Variants in CTNNA2 observed in about 807,000 individuals in gnomAD.
The protein encoded by CTNNA2 is catenin alpha 2.
CTNNA2 carries 42 observed loss-of-function variants against 101.0 expected under a neutral mutation model. That is an observed-to-expected ratio of 0.42 (90% confidence interval 0.32 to 0.54). The LOEUF (loss-of-function observed/expected upper bound fraction) is 0.54, where lower values mean the gene tolerates loss of function less well. Ranked by LOEUF, CTNNA2 falls within the 20% of genes least tolerant of loss-of-function variation. CTNNA2 has a pLI of 0.14. For synonymous variants in CTNNA2, 450 were observed against 456.4 expected (o/e 0.99, Z 0.18); for missense variants, 871 against 1,223.1 (o/e 0.71, Z 4.29).
rs566287497 is a variant in CTNNA2 at position 80,237,998 on chromosome 2, CCCTG to C, written c.1057-155212_1057-155209del. Among the ~76,000 whole-genome samples the C allele has an allele frequency of 7.4e-5, 11 of 149,634 alleles. No individual in the cohort carries two copies. In the South Asian group the frequency reaches 2.3e-3, roughly 31 times the overall value. On this transcript the variant is annotated intron_variant, in intron 7 of 18. Coordinates refer to ENST00000402739, the MANE Select transcript of CTNNA2 (RefSeq NM_001282597.3). The stretch of plus-strand genomic sequence containing the variant: ...TTTTTCTTGCTCCCCCTAGCCACTC[CCCTG>C]ACGTGTCTCTTAAAGCTACATTTAG...
intron 6 of CTNNA2, among the ~76,000 whole-genome samples, chr2:79,874,740 G>A (rs1357649349): frequency 6.6e-6 from 1 of 152,122 alleles, no homozygotes; most frequent in Non-Finnish European, 1.5e-5. Flanking sequence ...CTCGGGAGGC[G>A]GAGATTGCGG....
chr2:80,060,387 C>T (rs1289033876), intron 7 of CTNNA2, among the ~76,000 whole-genome samples: 1 of 152,142 alleles, frequency 6.6e-6, no homozygotes, highest in African/African-American at 2.4e-5. Context: ...CATCTCTAAG[C>T]CTCCCAGCCC....
intron 2 of CTNNA2, among the ~76,000 whole-genome samples, chr2:79,691,705 C>T (rs1023567631): frequency 2.6e-5 from 4 of 151,910 alleles, no homozygotes; most frequent in African/African-American, 9.7e-5. Context: ...GAACAGAGGC[C>T]TCAGAAATAA....
chr2:80,539,159 A>G (rs938321409), intron 9 of CTNNA2, among the ~76,000 whole-genome samples: 2 of 152,000 alleles, frequency 1.3e-5, no homozygotes, highest in South Asian at 2.1e-4. Flanking sequence ...ATTTTTGTCA[A>G]TTTTTAACTG....
Position 80,163,047 on chromosome 2 carries a change from A to G in CTNNA2, c.1057-230164A>G, listed in dbSNP as rs571344317. 96 of 1,564,896 alleles carry G rather than the reference A, an allele frequency of 6.1e-5. No individual in the cohort carries two copies. The African/African-American group carries it at 1.2e-3, about 20-fold the overall frequency. ...AAGTTTGATTCCATTAAGTAGATTC[A>G]TTGCATAAGGAACAGATACTTCATG... On this transcript the variant is annotated intron_variant, in intron 7 of 18. Coordinates refer to ENST00000402739, the MANE Select transcript of CTNNA2 (RefSeq NM_001282597.3).
chr2:79,520,281 T>C (rs1024929043), intron 1 of CTNNA2, among the ~76,000 whole-genome samples: 41 of 152,214 alleles, frequency 2.7e-4, no homozygotes, highest in Non-Finnish European at 2.9e-5. Context: ...TCACTATAGA[T>C]TCTTTTTTCC....
At chr2:80,522,977 T>C (rs1042078506) in intron 9 of CTNNA2, among the ~76,000 whole-genome samples, 3 of 151,878 alleles carry the variant, frequency 2.0e-5, no homozygotes, top group Non-Finnish European at 2.9e-5. Context: ...GCATTTGGGG[T>C]GATTGTGCAC....
At chr2:80,565,352 C>T (rs1693963692) in intron 12 of CTNNA2, among the ~76,000 whole-genome samples, 1 of 152,034 alleles carries the variant, frequency 6.6e-6, no homozygotes, top group Non-Finnish European at 1.5e-5. Context: ...GATTATTTCA[C>T]AGGAAATTCC....
intron 7 of CTNNA2, among the ~76,000 whole-genome samples, chr2:80,217,010 G>T (rs1708307560): frequency 6.6e-6 from 1 of 151,746 alleles, no homozygotes; most frequent in African/African-American, 2.4e-5. Flanking sequence ...GCTAATTTTT[G>T]TACTAGAGAC....
intron 2 of CTNNA2, among the ~76,000 whole-genome samples, chr2:79,680,617 AG>A (rs1392221382): frequency 1.3e-5 from 2 of 152,202 alleles, no homozygotes; most frequent in African/African-American, 4.8e-5. Flanking sequence ...AAACACTACT[AG>A]GCCTCATGGA....
intron 2 of CTNNA2, among the ~76,000 whole-genome samples, chr2:79,218,732 C>T (rs1009497166): frequency 3.9e-5 from 6 of 152,006 alleles, no homozygotes; most frequent in Admixed American, 2.6e-4. Flanking sequence ...TTGGAAACTG[C>T]GTTGGTGATA....
chr2:80,301,289 G>A (rs192221381), intron 7 of CTNNA2, among the ~76,000 whole-genome samples: 1 of 152,308 alleles, frequency 6.6e-6, no homozygotes, highest in East Asian at 1.9e-4. Flanking sequence ...TAAACATCGG[G>A]ATTCTGCCTC....
intron 7 of CTNNA2, among the ~76,000 whole-genome samples, chr2:79,938,156 G>A (rs918874300): frequency 1.3e-5 from 2 of 152,206 alleles, no homozygotes; most frequent in Non-Finnish European, 2.9e-5. Flanking sequence ...AGGAGGAGCT[G>A]AGAAGTAAGG....
intron 4 of CTNNA2, among the ~76,000 whole-genome samples, chr2:79,866,292 C>G (rs1466115715): frequency 6.6e-6 from 1 of 152,308 alleles, no homozygotes; most frequent in Non-Finnish European, 1.5e-5. Context: ...GTCTTTTCAG[C>G]TTTATCTATG....
intron 7 of CTNNA2, among the ~76,000 whole-genome samples, chr2:79,914,406 CTAAAACTG>C (rs975717204): frequency 7.2e-5 from 11 of 152,066 alleles, no homozygotes; most frequent in Non-Finnish European, 1.6e-4. Context: ...ATTCTAGGTA[CTAAAACTG>C]TAAATGAAGA....
chr2:79,917,420 C>T (rs2974168), intron 7 of CTNNA2, among the ~76,000 whole-genome samples: 94,375 of 151,944 alleles, frequency 0.62, 29,867 homozygotes, highest in East Asian at 0.84. Flanking sequence ...CAGAGTACAG[C>T]TATGTTACCA....
chr2:79,899,505 A>T (rs1457874187), intron 6 of CTNNA2, among the ~76,000 whole-genome samples: 1 of 152,182 alleles, frequency 6.6e-6, no homozygotes, highest in Non-Finnish European at 1.5e-5. Flanking sequence ...TGCTTTGGTA[A>T]ATCACTTTGT....
At position 79,935,352 on chromosome 2, in the gene CTNNA2, CT is replaced by C. The variant is rs56252618; in HGVS notation, c.1056+25568del. 6.0e-3 allele frequency among the ~76,000 whole-genome samples: 866 copies of C among 144,518 alleles called. 6 individuals carry two copies. Among genetic ancestry groups the C allele is most frequent in the Middle Eastern group, 0.044 (12 of 272 alleles). The allele number at this position is 144,518 out of a possible 152,430, so 94.8% of individuals were successfully genotyped here. ...CCGTATTTCTTCTTTCTCTCTCTCT[CT>C]TTTTTTTTTTTTAACTTTTTATTTG... On this transcript the variant is annotated intron_variant, in intron 7 of 18. Coordinates refer to ENST00000402739, the MANE Select transcript of CTNNA2 (RefSeq NM_001282597.3).
At chr2:79,418,008 G>A (rs1390190017) in intron 4 of CTNNA2, among the ~76,000 whole-genome samples, 1 of 152,062 alleles carries the variant, frequency 6.6e-6, no homozygotes, top group Non-Finnish European at 1.5e-5. Context: ...TTTTTCAAAG[G>A]TAGCTTGAGG....
Sources: allele counts gnomAD v4.1 joint callset (sites outside exome capture counted in the v4.1 genomes callset), GRCh38; gene constraint gnomAD v4.1.1; transcripts MANE v1.5; gene names NCBI Gene and HGNC (gene_info 2026-07-23, HGNC 2026-07-21).